The following DYRK1A variants were observed in gnomAD, a reference collection of about 807,000 sequenced individuals.
DYRK1A encodes the protein dual specificity tyrosine-phosphorylation-regulated kinase 1A.
In DYRK1A, 9 loss-of-function variants were observed where a neutral mutation model predicts 79.7. The observed-to-expected ratio is 0.11, with a 90% CI of 0.07 to 0.20. The LOEUF is 0.20. Ranked by LOEUF, DYRK1A falls within the 10% of genes least tolerant of loss-of-function variation. DYRK1A has a pLI of 1.00. For missense variants in DYRK1A, 622 were observed against 956.0 expected, an observed-to-expected ratio of 0.65 and a Z score of 4.61; for synonymous variants, 349 against 329.7, an observed-to-expected ratio of 1.06 and a Z score of -0.63.
intron 6 of DYRK1A, chr21:37,488,202 T>G: frequency 4.1e-6 from 1 of 242,000 alleles, no homozygotes; most frequent in Admixed American, 6.5e-5. Context: ...GTATTAGTTA[T>G]TACAGATACT....
intron 1 of DYRK1A, among the ~76,000 whole-genome samples, chr21:37,415,000 C>G (rs1291303251): frequency 6.6e-6 from 1 of 152,184 alleles, no homozygotes; most frequent in Admixed American, 6.6e-5. Context: ...CCAGAAACTT[C>G]TGTTTCTCCC....
At chr21:37,394,743 T>C (rs891870116) in intron 1 of DYRK1A, among the ~76,000 whole-genome samples, 3 of 152,190 alleles carry the variant, frequency 2.0e-5, no homozygotes, top group African/African-American at 4.8e-5. Context: ...CACCTCCTCC[T>C]GTCCGTGGAA....
At chr21:37,382,219 A>G (rs528332090) in intron 1 of DYRK1A, among the ~76,000 whole-genome samples, 1 of 146,094 alleles carries the variant, frequency 6.8e-6, no homozygotes, top group East Asian at 2.0e-4. Context: ...TTTTTTTTTT[A>G]AAAAAAAAAA....
At chr21:37,442,241 G>A (rs2051129864) in intron 2 of DYRK1A, among the ~76,000 whole-genome samples, 1 of 151,816 alleles carries the variant, frequency 6.6e-6, no homozygotes, top group Admixed American at 6.6e-5. Flanking sequence ...TTAGATCTAT[G>A]GGTTTGTAGT....
At chr21:37,450,150 T>G (rs2051400563) in intron 2 of DYRK1A, among the ~76,000 whole-genome samples, 1 of 151,996 alleles carries the variant, frequency 6.6e-6, no homozygotes, top group Non-Finnish European at 1.5e-5. Flanking sequence ...GACTCCAGAG[T>G]CTGAACAGGA....
intron 2 of DYRK1A, among the ~76,000 whole-genome samples, chr21:37,439,360 G>C (rs1180128303): frequency 2.0e-5 from 3 of 152,218 alleles, no homozygotes; most frequent in African/African-American, 7.2e-5. Flanking sequence ...ATGTTGAATA[G>C]AAGTAGTGAA....
chr21:37,459,171 G>A (rs565120599), intron 2 of DYRK1A, among the ~76,000 whole-genome samples: 12 of 152,188 alleles, frequency 7.9e-5, no homozygotes, highest in African/African-American at 2.9e-4. Flanking sequence ...GAAAGATCCT[G>A]GACTCTCAGG....
intron 9 of DYRK1A, among the ~76,000 whole-genome samples, chr21:37,500,945 C>A (rs925547872): frequency 1.4e-5 from 2 of 145,862 alleles, no homozygotes; most frequent in Non-Finnish European, 3.0e-5. Context: ...TTTTTCTTTT[C>A]TTTTTCTATT....
intron 9 of DYRK1A, chr21:37,502,501 T>G (rs2053479844): frequency 6.6e-6 from 1 of 152,208 alleles, no homozygotes; most frequent in Non-Finnish European, 1.5e-5. Context: ...ATATTGCTTG[T>G]TAAACAGTGT....
chr21:37,381,087 C>T (rs895887913), intron 1 of DYRK1A, among the ~76,000 whole-genome samples: 1 of 152,198 alleles, frequency 6.6e-6, no homozygotes, highest in Admixed American at 6.5e-5. Context: ...GTTTTGCTCT[C>T]TCTTGCAATC....
intron 9 of DYRK1A, among the ~76,000 whole-genome samples, chr21:37,499,032 T>C (rs2053360074): frequency 6.6e-6 from 1 of 152,164 alleles, no homozygotes; most frequent in Non-Finnish European, 1.5e-5. Context: ...TTGTCACATG[T>C]ATGTCAGTGT....
intron 1 of DYRK1A, among the ~76,000 whole-genome samples, chr21:37,389,049 A>T (rs13052031): frequency 0.15 from 22,448 of 148,456 alleles, 1,746 homozygotes; most frequent in Middle Eastern, 0.18. Context: ...AAAAAAAAAA[A>T]TTTTTTTTTT....
At chr21:37,434,482 T>C (rs1310626499) in intron 2 of DYRK1A, among the ~76,000 whole-genome samples, 1 of 152,218 alleles carries the variant, frequency 6.6e-6, no homozygotes, top group Non-Finnish European at 1.5e-5. Flanking sequence ...GTCAGAACAC[T>C]GATGTTCTTT....
At chr21:37,381,561 A>C (rs2049658963) in intron 1 of DYRK1A, among the ~76,000 whole-genome samples, 1 of 152,232 alleles carries the variant, frequency 6.6e-6, no homozygotes, top group Admixed American at 6.5e-5. Flanking sequence ...TCTAGCCGAC[A>C]CAGTGAAGTT....
chr21:37,375,082 G>A (rs1236362201), intron 1 of DYRK1A: 1 of 152,194 alleles, frequency 6.6e-6, no homozygotes, highest in Non-Finnish European at 1.5e-5. Context: ...TGTACAGAGT[G>A]CAGTGGGATT....
chr21:37,374,575 CAG>C (rs1275208753), intron 1 of DYRK1A, among the ~76,000 whole-genome samples: 8 of 151,528 alleles, frequency 5.3e-5, no homozygotes, highest in Non-Finnish European at 7.4e-5. Flanking sequence ...TTTTTTGAGA[CAG>C]AGTCTCGCTC....
intron 2 of DYRK1A, among the ~76,000 whole-genome samples, chr21:37,466,351 T>C (rs527820733): frequency 6.6e-6 from 1 of 152,136 alleles, no homozygotes; most frequent in South Asian, 2.1e-4. Flanking sequence ...GCATAATCTT[T>C]TGTAATATTG....
intron 3 of DYRK1A, among the ~76,000 whole-genome samples, chr21:37,476,818 T>TTCCCC (rs1555978497): frequency 3.8e-5 from 3 of 78,190 alleles, no homozygotes; most frequent in African/African-American, 1.0e-4. Flanking sequence ...CACCAAGGGT[T>TTCCCC]CCCCCCCCCC....
At chr21:37,504,403 G>A (rs1397134655) in intron 9 of DYRK1A, 1 of 152,182 alleles carries the variant, frequency 6.6e-6, no homozygotes, top group African/African-American at 2.4e-5. Context: ...TCCCACTGCA[G>A]GTCTCTTCCA....
Sources: allele counts gnomAD v4.1 joint callset (sites outside exome capture counted in the v4.1 genomes callset), GRCh38; gene constraint gnomAD v4.1.1; transcripts MANE v1.5; gene names NCBI Gene and HGNC (gene_info 2026-07-23, HGNC 2026-07-21).